The following ALOX12 variants were observed in gnomAD, a reference collection of about 807,000 sequenced individuals.
The protein encoded by ALOX12 is polyunsaturated fatty acid lipoxygenase ALOX12.
ALOX12 carries 62 observed loss-of-function variants against 85.5 expected under a neutral mutation model. The ratio of observed to expected loss-of-function variants is 0.73; its 90% CI spans 0.59 to 0.90. The LOEUF (loss-of-function observed/expected upper bound fraction) is 0.90, where lower values mean the gene tolerates loss of function less well. Among genes scored for constraint, ALOX12 ranks in the 40% least tolerant of loss-of-function variants. ALOX12 has a pLI of 0.00. For synonymous variants in ALOX12, 299 were observed against 332.7 expected (o/e 0.90, Z 1.10); for missense variants, 751 against 856.5 (o/e 0.88, Z 1.54).
chr17:6,998,487 A>T, intron 2 of ALOX12, 22 bp from the exon 3 acceptor site: 1 of 1,571,474 alleles, frequency 6.4e-7, no homozygotes. Context: ...CCGTGAGGCC[A>T]ATTGTCTTGA....
In ALOX12 at chr17:7,009,728, C is replaced by T; in HGVS notation, c.1541-19C>T. The T allele has an allele frequency of 3.7e-6, 6 of 1,603,166 alleles. No homozygotes were observed. In the South Asian group the frequency reaches 6.6e-5, roughly 18 times the overall value. On this transcript the variant is annotated intron_variant, in intron 11 of 13. Coordinates refer to ENST00000251535, the MANE Select transcript of ALOX12 (RefSeq NM_000697.3). ...CCTCTTATGCTGTAGCTTCTAACTGCTATTCCTTTCCTGCCCAGGTTTCCC... is the reference window on the plus strand; with the variant it reads ...CCTCTTATGCTGTAGCTTCTAACTGTTATTCCTTTCCTGCCCAGGTTTCCC...
chr17:7,003,488 G>A (rs747654617), intron 8 of ALOX12, among the ~76,000 whole-genome samples: 22 of 152,046 alleles, frequency 1.4e-4, no homozygotes, highest in Non-Finnish European at 2.2e-4. Flanking sequence ...GTCCAGTGGC[G>A]TAATCATAAC....
In ALOX12 at chr17:7,000,254, G is replaced by A; in HGVS notation, c.808-82G>A. On this transcript the variant is annotated intron_variant, in intron 6 of 13. Transcript: ENST00000251535. This position sits in a 1 kb window ranked among gnomAD's most constrained non-coding sequence, Gnocchi z 4.6. Reference sequence around the variant, plus strand: ...GATGCAGGAGAATGGCAAGAAGCTAGACTAAATCTCTTGCCCTTTGCCCCG... The same window carrying A: ...GATGCAGGAGAATGGCAAGAAGCTAAACTAAATCTCTTGCCCTTTGCCCCG... 6.6e-7 allele frequency: 1 copy of A among 1,511,596 alleles called. No homozygotes were observed. The highest frequency in any genetic ancestry group is 1.8e-5 in the Admixed American group (1 of 57,104). The allele number at this position is 1,511,596 out of a possible 1,614,324, so 93.6% of individuals were successfully genotyped here.
At chr17:7,006,066 G>GGGGGGGGGGGGGGGGGGTGGGGGGGC in intron 10 of ALOX12, 39 bp downstream of exon 10, 1 of 154,240 alleles carries the variant, frequency 6.5e-6, no homozygotes. Flanking sequence ...GGGCCGGGGG[G>GGGGGGGGGGGGGGGGGGTGGGGGGGC]GGGGGGGGCT....
In ALOX12 at chr17:6,998,713, A is replaced by C. The variant is rs1189927289; in HGVS notation, c.420-2A>C. ...TCCTGAAGCTTTGTCCCCAACTCCT[A>C]GCTGGGCCACCTGGAAGGAAGGGTT... is the stretch of plus-strand genomic sequence containing the variant. On this transcript the variant is annotated splice_acceptor_variant, in intron 3 of 13. Coordinates refer to ENST00000251535, the MANE Select transcript of ALOX12 (RefSeq NM_000697.3). LOFTEE classifies it high-confidence loss of function. 1 of 1,612,268 alleles carries C rather than the reference A, an allele frequency of 6.2e-7. No homozygotes were observed. The highest frequency in any genetic ancestry group is 8.5e-7 in the Non-Finnish European group (1 of 1,179,820).
intron 9 of ALOX12, among the ~76,000 whole-genome samples, chr17:7,005,607 A>C (rs1220737764): frequency 6.7e-6 from 1 of 149,318 alleles, no homozygotes; most frequent in Non-Finnish European, 1.5e-5. Flanking sequence ...CAGCCTCCCG[A>C]GTAGCTGGGA....
At position 6,996,262 on chromosome 17, in the gene ALOX12, G is replaced by C. The variant is rs1357109229; in HGVS notation, c.135+10G>C. On this transcript the variant is annotated intron_variant, in intron 1 of 13. Coordinates refer to ENST00000251535, the MANE Select transcript of ALOX12 (RefSeq NM_000697.3). ...GCCCGCGCGGGGCGAGGTCAGCGCG[G>C]GGAGCGAGGGGAGCTAGGGCAGCGG... The C allele has an allele frequency of 8.1e-7, 1 of 1,230,980 alleles. No homozygotes were observed. The highest frequency in any genetic ancestry group is 1.0e-6 in the Non-Finnish European group (1 of 982,894). 76.3% of individuals were successfully genotyped at this position (1,230,980 alleles called of 1,614,324 possible).
At chr17:7,008,221 CAT>C (rs1288505102) in intron 11 of ALOX12, among the ~76,000 whole-genome samples, 1 of 152,332 alleles carries the variant, frequency 6.6e-6, no homozygotes, top group Admixed American at 6.5e-5. Flanking sequence ...GTTCATGACA[CAT>C]GTTAACTTTA....
Position 6,996,204 on chromosome 17 carries a change from G to T in ALOX12, c.87G>T (p.Thr29=). 1.6e-6 allele frequency: 2 copies of T among 1,251,038 alleles called. No homozygotes were observed. Among genetic ancestry groups the T allele is most frequent in the South Asian group, 7.8e-5 (2 of 25,550 alleles). The allele number at this position is 1,251,038 out of a possible 1,614,324, so 77.5% of individuals were successfully genotyped here. ...YNRVQLWLVG[T]RGEAELELQL... ...GCGTGCAGCTTTGGCTGGTCGGGAC[G>T]CGCGGGGAGGCGGAGCTGGAGCTGC... is the stretch of plus-strand genomic sequence containing the variant. Residue 29 remains threonine (T), a synonymous_variant, in exon 1 of 14, where the codon ACG becomes ACT. Transcript: ENST00000251535.
Position 6,999,072 on chromosome 17 carries a change from A to G in ALOX12, c.646+16A>G, listed in dbSNP as rs780500575. The G allele has an allele frequency of 2.2e-5, 35 of 1,609,754 alleles. No individual in the cohort carries two copies. Among genetic ancestry groups the G allele is most frequent in the Non-Finnish European group, 2.9e-5 (34 of 1,176,924 alleles). ...GCCCTGGCTGGTCAGTGGTTCCCCG[A>G]GGTCTCCATAATCCCTTAATGGCCC... On this transcript the variant is annotated intron_variant, in intron 5 of 13. Transcript: ENST00000251535.
Position 6,996,957 on chromosome 17 carries a change from C to A in ALOX12, c.267C>A (p.Cys89Ter). ...TCACGGTGCAGGGCCCTGGAGCCTG[C>A]GCGGAGGTGGCCTTCCCGTGCTACC... Reference protein sequence around the residue: ...DRITVQGPGACAEVAFPCYRW... With the variant: ...DRITVQGPGA The change falls in exon 2 of 14, where the codon TGC (cysteine) becomes TGA (stop). Residue 89 changes from cysteine (C) to a stop codon, truncating the protein, a stop_gained. Transcript: ENST00000251535. LOFTEE classifies it high-confidence loss of function. The A allele has an allele frequency of 6.3e-7, 1 of 1,591,916 alleles. No homozygotes were observed. The highest frequency in any genetic ancestry group is 1.1e-5 in the South Asian group (1 of 88,064).
At chr17:7,009,060 T>C (rs1909242160) in intron 11 of ALOX12, among the ~76,000 whole-genome samples, 1 of 143,246 alleles carries the variant, frequency 7.0e-6, no homozygotes, top group African/African-American at 2.6e-5. Flanking sequence ...ATCCCTCAAT[T>C]GGTTTTTTTT....
chr17:6,996,965 T>A lies in ALOX12; in HGVS notation c.275T>A (p.Val92Glu), dbSNP rs1291925434. 21 of 1,586,924 alleles carry A rather than the reference T, an allele frequency of 1.3e-5. No individual in the cohort carries two copies. Among genetic ancestry groups the A allele is most frequent in the Non-Finnish European group, 1.8e-5 (21 of 1,166,506 alleles). ...TVQGPGACAE[V>E]AFPCYRWVQG... is the part of the protein sequence containing the mutation. ...CAGGGCCCTGGAGCCTGCGCGGAGG[T>A]GGCCTTCCCGTGCTACCGCTGGGTG... The change falls in exon 2 of 14, where the codon GTG becomes GAG. Residue 92 changes from valine to glutamate, a missense_variant. Coordinates refer to ENST00000251535, the MANE Select transcript of ALOX12 (RefSeq NM_000697.3).
chr17:7,001,343 C>T (rs748610282), intron 7 of ALOX12: 51 of 519,492 alleles, frequency 9.8e-5, no homozygotes, highest in Admixed American at 1.8e-4. Context: ...ATCTGAGCGC[C>T]GACCCCAAAG....
Position 7,009,776 on chromosome 17 carries a change from C to G in ALOX12, c.1570C>G (p.Gln524Glu), listed in dbSNP as rs767411613. 10 of 1,614,116 alleles carry G rather than the reference C, an allele frequency of 6.2e-6. No individual in the cohort carries two copies. In the South Asian group the frequency reaches 7.7e-5, roughly 12 times the overall value. The change falls in exon 12 of 14, where the codon CAA becomes GAA. Residue 524 changes from glutamine to glutamate, a missense_variant. Coordinates refer to ENST00000251535, the MANE Select transcript of ALOX12 (RefSeq NM_000697.3). ...GFPVSFQSQS[Q>E]LCHFLTMCVF... The stretch of plus-strand genomic sequence containing the variant: ...CCCTGTCTCCTTCCAGTCCCAGAGT[C>G]AACTCTGCCATTTCCTCACCATGTG...
chr17:7,005,439 C>G, intron 9 of ALOX12, 96 bp downstream of exon 9: 3 of 804,700 alleles, frequency 3.7e-6, no homozygotes, highest in Admixed American at 3.6e-5. Flanking sequence ...TGTCCTCACT[C>G]TTAACCTATG....
chr17:7,008,564 G>A (rs1169356070), intron 11 of ALOX12, among the ~76,000 whole-genome samples: 3 of 152,102 alleles, frequency 2.0e-5, no homozygotes, highest in East Asian at 3.9e-4. Context: ...TAGCCAACAC[G>A]GTGAAACTCC....
chr17:6,999,139 T>C (rs921933081), intron 5 of ALOX12, 83 bp downstream of exon 5: 8 of 1,511,310 alleles, frequency 5.3e-6, no homozygotes, highest in South Asian at 2.3e-5. Context: ...CCGTAACTCT[T>C]TGCAAGAAGA....
At chr17:7,001,326 C>T in intron 7 of ALOX12, 2 of 481,730 alleles carry the variant, frequency 4.2e-6, no homozygotes, top group Non-Finnish European at 3.7e-6. Flanking sequence ...CTTCACATTC[C>T]ACCACCATCT....
Sources: gnomAD v4.1 joint callset for allele counts (sites outside exome capture counted in the v4.1 genomes callset) on GRCh38, gnomAD v4.1.1 for gene constraint, Gnocchi (gnomAD v3.1) non-coding constraint, MANE v1.5 for transcripts, NCBI Gene and HGNC (gene_info 2026-07-23, HGNC 2026-07-21) for gene names.